BRAF: variants seen among roughly 807,000 people sequenced by gnomAD.
The protein encoded by BRAF is serine/threonine-protein kinase B-raf.
In BRAF, 16 loss-of-function variants were observed where a neutral mutation model predicts 104.6. The ratio of observed to expected loss-of-function variants is 0.15; its 90% CI spans 0.10 to 0.23. The LOEUF (loss-of-function observed/expected upper bound fraction) is 0.23. Among genes scored for constraint, BRAF ranks in the 10% least tolerant of loss-of-function variants. The pLI is 1.00. For synonymous variants in BRAF, 310 were observed against 341.6 expected, an observed-to-expected ratio of 0.91 and a Z score of 1.02; for missense variants, 541 against 937.3, an observed-to-expected ratio of 0.58 and a Z score of 5.52.
intron 14 of BRAF, among the ~76,000 whole-genome samples, chr7:140,772,268 T>TAACAAC (rs777105504): frequency 1.2e-3 from 124 of 103,564 alleles, no homozygotes; most frequent in Middle Eastern, 4.4e-3. Flanking sequence ...ACAGATTGTT[T>TAACAAC]AACTACAACA....
chr7:140,749,942 G>A (rs1402238487), intron 16 of BRAF, among the ~76,000 whole-genome samples: 2 of 152,090 alleles, frequency 1.3e-5, no homozygotes, highest in Non-Finnish European at 2.9e-5. Flanking sequence ...TCAAACTATG[G>A]AATAAGCATA....
At position 140,901,856 on chromosome 7, in the gene BRAF, T is replaced by G. The variant is rs573523621; in HGVS notation, c.138+22710A>C. ...TTTCATCACAGTACACTGTCCTTAATTCTTTATTTATCTACTTCTACCACT... is the reference window on the plus strand; with the variant it reads ...TTTCATCACAGTACACTGTCCTTAAGTCTTTATTTATCTACTTCTACCACT... On this transcript the variant is annotated intron_variant, in intron 1 of 19. Coordinates refer to ENST00000644969, the MANE Select transcript of BRAF (RefSeq NM_001374258.1). Among the ~76,000 whole-genome samples the G allele has an allele frequency of 2.0e-4, 31 of 152,354 alleles. 1 individual carries two copies. The South Asian group carries it at 6.4e-3, about 32-fold the overall frequency.
chr7:140,803,628 A>C (rs1803355361), intron 5 of BRAF, among the ~76,000 whole-genome samples: 1 of 152,226 alleles, frequency 6.6e-6, no homozygotes, highest in Admixed American at 6.5e-5. Context: ...GGCCACATAA[A>C]CTTATTTGTG....
At chr7:140,765,412 C>G (rs1218806041) in intron 14 of BRAF, among the ~76,000 whole-genome samples, 2 of 152,178 alleles carry the variant, frequency 1.3e-5, no homozygotes, top group South Asian at 2.1e-4. Flanking sequence ...GTCTAAAACA[C>G]CAAAAGCAAT....
chr7:140,783,249 T>C (rs1291001947), intron 10 of BRAF, 92 bp from the exon 10 acceptor site: 8 of 1,490,678 alleles, frequency 5.4e-6, no homozygotes, highest in Non-Finnish European at 7.3e-6. Context: ...TTAGACTTAA[T>C]TTTAAAATGT....
rs1818580218 is a variant in BRAF at position 140,924,164 on chromosome 7, T to C, written c.138+402A>G. On this transcript the variant is annotated intron_variant, in intron 1 of 19. Coordinates refer to ENST00000644969, the MANE Select transcript of BRAF (RefSeq NM_001374258.1). This position sits in a 1 kb window ranked among gnomAD's most constrained non-coding sequence, Gnocchi z 4.2. ...TACACGCGACAGTAACTCGGGCTGT[T>C]GTCTCAGCCCCAGCAACTAACCTAT... Among the ~76,000 whole-genome samples the C allele has an allele frequency of 6.6e-6, 1 of 152,124 alleles. No individual in the cohort carries two copies. The highest frequency in any genetic ancestry group is 2.4e-5 in the African/African-American group (1 of 41,442).
intron 14 of BRAF, among the ~76,000 whole-genome samples, chr7:140,764,595 C>T (rs1799117909): frequency 1.3e-5 from 2 of 152,168 alleles, no homozygotes; most frequent in Admixed American, 1.3e-4. Flanking sequence ...GCAACTTCAG[C>T]AAAGTCTTGG....
At position 140,725,873 on chromosome 7, in the gene BRAF, T is replaced by C; in HGVS notation, c.*621A>G. 1 of 1,062,654 alleles carries C rather than the reference T, an allele frequency of 9.4e-7. No individual in the cohort carries two copies. Among genetic ancestry groups the C allele is most frequent in the Non-Finnish European group, 1.1e-6 (1 of 877,700 alleles). The allele number at this position is 1,062,654 out of a possible 1,614,324, so 65.8% of individuals were successfully genotyped here. A position where few individuals can be genotyped will look rare whatever the true frequency, so the allele number is the denominator to read the frequency against. ...AGATGCAGCATGCCCTTTTCCTCCA[T>C]ACCAAGACACATCTACTCACCACTC... On this transcript the variant is annotated 3_prime_UTR_variant, in exon 20 of 20. Transcript: ENST00000644969.
At chr7:140,894,478 A>G (rs1814648662) in intron 1 of BRAF, among the ~76,000 whole-genome samples, 1 of 152,164 alleles carries the variant, frequency 6.6e-6, no homozygotes, top group African/African-American at 2.4e-5. Flanking sequence ...ATATGAAGAG[A>G]TGGAAAAAAA....
intron 14 of BRAF, among the ~76,000 whole-genome samples, chr7:140,758,635 T>C (rs1798400311): frequency 6.6e-6 from 1 of 152,112 alleles, no homozygotes; most frequent in African/African-American, 2.4e-5. Context: ...AAAAACTGCT[T>C]TGTATAGATG....
chr7:140,834,184 C>G (rs1232634391), intron 3 of BRAF: 1 of 226,048 alleles, frequency 4.4e-6, no homozygotes, highest in African/African-American at 2.3e-5. Context: ...ATTCAACAAC[C>G]AAAAATGAAG....
intron 14 of BRAF, among the ~76,000 whole-genome samples, chr7:140,755,562 C>A (rs1362573416): frequency 6.6e-6 from 1 of 152,156 alleles, no homozygotes; most frequent in Non-Finnish European, 1.5e-5. Flanking sequence ...AATTACTATT[C>A]ATATCACAGT....
intron 17 of BRAF, among the ~76,000 whole-genome samples, chr7:140,748,517 T>C (rs1176032120): frequency 1.3e-5 from 2 of 152,178 alleles, no homozygotes; most frequent in South Asian, 2.1e-4. Context: ...CGAAATATTC[T>C]TTAATCAGAG....
intron 1 of BRAF, among the ~76,000 whole-genome samples, chr7:140,871,455 G>C (rs1811589053): frequency 6.6e-6 from 1 of 152,060 alleles, no homozygotes. Flanking sequence ...CTAAAGCAAG[G>C]ACTGCCTAGC....
intron 1 of BRAF, among the ~76,000 whole-genome samples, chr7:140,895,611 CTGTTA>C (rs1221069334): frequency 1.3e-5 from 2 of 152,210 alleles, no homozygotes; most frequent in African/African-American, 4.8e-5. Flanking sequence ...CGAGTATCCT[CTGTTA>C]TACTTTTTAC....
At chr7:140,834,578 C>G in intron 3 of BRAF, 31 bp downstream of exon 3, 1 of 1,612,784 alleles carries the variant, frequency 6.2e-7, no homozygotes, top group Non-Finnish European at 8.5e-7. Flanking sequence ...TACAAAGAAA[C>G]AGCAAAATGG....
intron 14 of BRAF, among the ~76,000 whole-genome samples, chr7:140,767,317 A>G (rs1046825144): frequency 2.6e-5 from 4 of 152,248 alleles, no homozygotes; most frequent in Middle Eastern, 3.4e-3. Context: ...AGATGTTTTA[A>G]AATAGGAGAA....
At chr7:140,789,140 C>G (rs578065700) in intron 8 of BRAF, among the ~76,000 whole-genome samples, 2 of 151,456 alleles carry the variant, frequency 1.3e-5, no homozygotes, top group African/African-American at 4.9e-5. Flanking sequence ...ACCTGTGAGG[C>G]GGAGGTTGCA....
intron 14 of BRAF, among the ~76,000 whole-genome samples, chr7:140,766,207 G>GC (rs1799304399): frequency 6.6e-6 from 1 of 151,610 alleles, no homozygotes; most frequent in African/African-American, 2.4e-5. Flanking sequence ...ACCAAACACC[G>GC]CATGTTCTCA....
Sources: allele counts gnomAD v4.1 joint callset (sites outside exome capture counted in the v4.1 genomes callset), GRCh38; gene constraint gnomAD v4.1.1; non-coding constraint Gnocchi (gnomAD v3.1); transcripts MANE v1.5; gene names NCBI Gene and HGNC (gene_info 2026-07-23, HGNC 2026-07-21).